SLC5A5: variants seen among roughly 807,000 people sequenced by gnomAD.
SLC5A5 encodes solute carrier family 5 member 5, also known as sodium/iodide cotransporter.
A neutral mutation model predicts 68.6 loss-of-function variants in SLC5A5; 56 were observed. The observed-to-expected ratio is 0.82, with a 90% confidence interval of 0.66 to 1.02. SLC5A5 has a LOEUF of 1.02. Ranked by LOEUF, SLC5A5 falls within the 50% of genes least tolerant of loss-of-function variation. The probability of loss-of-function intolerance (pLI) is 0.00; values close to 1 mark genes in which losing one functional copy is unlikely to be tolerated. For synonymous variants in SLC5A5, 398 were observed against 373.0 expected (o/e 1.07, Z -0.77); for missense variants, 807 against 859.8 (o/e 0.94, Z 0.77).
intron 7 of SLC5A5, among the ~76,000 whole-genome samples, chr19:17,879,247 G>A (rs906840100): frequency 6.6e-6 from 1 of 150,644 alleles, no homozygotes; most frequent in Non-Finnish European, 1.5e-5. Context: ...GAGCTGAGAT[G>A]GCGCCATTGC....
chr19:17,872,142 T>C lies in SLC5A5; in HGVS notation c.-178T>C, dbSNP rs1360782125. On this transcript the variant is annotated 5_prime_UTR_variant, in exon 1 of 15. Transcript: ENST00000222248. ...GACACGGACATCGACAGCCCATAGATTCCTAACCCAGGGAGCCCCGGCCCC... is the reference window on the plus strand; with the variant it reads ...GACACGGACATCGACAGCCCATAGACTCCTAACCCAGGGAGCCCCGGCCCC... 3.3e-6 allele frequency: 2 copies of C among 597,380 alleles called. No individual in the cohort carries two copies. The highest frequency in any genetic ancestry group is 5.9e-6 in the Non-Finnish European group (2 of 336,926). The allele number at this position is 597,380 out of a possible 1,614,324, so 37.0% of individuals were successfully genotyped here. A position where few individuals can be genotyped will look rare whatever the true frequency, so the allele number is the denominator to read the frequency against.
chr19:17,881,821 G>A (rs2094321222), intron 8 of SLC5A5, 139 bp from the exon 9 acceptor site: 1 of 713,956 alleles, frequency 1.4e-6, no homozygotes, highest in Non-Finnish European at 2.5e-6. Context: ...GGGGAGGGGA[G>A]GGGCAAATAT....
intron 10 of SLC5A5, 115 bp downstream of exon 10, chr19:17,882,334 C>A: frequency 2.0e-5 from 16 of 789,268 alleles, no homozygotes; most frequent in Non-Finnish European, 3.3e-5. Flanking sequence ...GAACTCACTT[C>A]TATGTTTTTT....
At chr19:17,876,575 A>G (rs1184171803) in intron 5 of SLC5A5, among the ~76,000 whole-genome samples, 1 of 151,042 alleles carries the variant, frequency 6.6e-6, no homozygotes, top group Admixed American at 6.6e-5. Context: ...TAAAAAATAC[A>G]AAATTAGGCT....
chr19:17,883,604 C>T (rs2094326013), intron 10 of SLC5A5, 77 bp from the exon 11 acceptor site: 1 of 1,233,514 alleles, frequency 8.1e-7, no homozygotes, highest in Non-Finnish European at 1.2e-6. Context: ...TGAGGTCTCG[C>T]TTTCCCAGCG....
At chr19:17,892,683 A>AGAGAGAGAGAGAGAGAGAGG (rs2030226075) in intron 14 of SLC5A5, among the ~76,000 whole-genome samples, 1 of 151,262 alleles carries the variant, frequency 6.6e-6, no homozygotes, top group Admixed American at 6.6e-5. Context: ...AGAGAGAGAG[A>AGAGAGAGAGAGAGAGAGAGG]GAGAGAGAGA....
At position 17,872,373 on chromosome 19, in the gene SLC5A5, G is replaced by A; in HGVS notation, c.54G>A (p.Gly18=). 1 of 1,597,464 alleles carries A rather than the reference G, an allele frequency of 6.3e-7. No homozygotes were observed. Among genetic ancestry groups the A allele is most frequent in the South Asian group, 1.1e-5 (1 of 89,116 alleles). The change falls in exon 1 of 15, where the codon GGG becomes GGA. Residue 18 remains glycine (G), a synonymous_variant. Coordinates refer to ENST00000222248, the MANE Select transcript of SLC5A5 (RefSeq NM_000453.3). ...ERPTFGAWDY[G]VFALMLLVST... ...CCACCTTCGGAGCCTGGGACTACGG[G>A]GTCTTTGCCCTCATGCTCCTGGTGT... is the stretch of plus-strand genomic sequence containing the variant.
At chr19:17,889,954 A>G (rs1439228999) in intron 13 of SLC5A5, among the ~76,000 whole-genome samples, 1 of 152,214 alleles carries the variant, frequency 6.6e-6, no homozygotes, top group South Asian at 2.1e-4. Flanking sequence ...CTTCACAGTC[A>G]TCAGGCCTTT....
chr19:17,877,632 C>G (rs2094310460), intron 5 of SLC5A5, 91 bp from the exon 6 acceptor site: 1 of 1,519,900 alleles, frequency 6.6e-7, no homozygotes, highest in Non-Finnish European at 9.0e-7. Flanking sequence ...CAAATGTCCC[C>G]TATAAGGTCC....
chr19:17,888,829 G>A (rs180951102), intron 13 of SLC5A5, among the ~76,000 whole-genome samples: 4 of 151,142 alleles, frequency 2.6e-5, no homozygotes, highest in Middle Eastern at 3.4e-3. Context: ...ACGGAGTTTC[G>A]CCATGTGTCT....
intron 12 of SLC5A5, 67 bp from the exon 13 acceptor site, chr19:17,888,264 G>A: frequency 6.3e-7 from 1 of 1,598,658 alleles, no homozygotes; most frequent in Non-Finnish European, 8.5e-7. Context: ...GGGTGAGGTT[G>A]GAACAGCTTT....
In SLC5A5 at chr19:17,877,742, A is replaced by T; in HGVS notation, c.718A>T (p.Ser240Cys). Residue 240 changes from serine to cysteine, a missense_variant, in exon 6 of 15, where the codon AGC (serine) becomes TGC (cysteine). Coordinates refer to ENST00000222248, the MANE Select transcript of SLC5A5 (RefSeq NM_000453.3). Reference protein sequence around the residue: ...NLMDFNPDPRSRYTFWTFVVG... With the variant: ...NLMDFNPDPRCRYTFWTFVVG... Reference sequence around the variant, plus strand: ...ACCCAGCTTTAACCCTGACCCGAGGAGCCGCTATACATTCTGGACTTTTGT... The same window carrying T: ...ACCCAGCTTTAACCCTGACCCGAGGTGCCGCTATACATTCTGGACTTTTGT... The T allele has an allele frequency of 6.2e-7, 1 of 1,614,146 alleles. No homozygotes were observed. Among genetic ancestry groups the T allele is most frequent in the Non-Finnish European group, 8.5e-7 (1 of 1,180,012 alleles).
chr19:17,890,914 G>A lies in SLC5A5; in HGVS notation c.1680G>A (p.Pro560=), dbSNP rs149937279. The change falls in exon 14 of 15, where the codon CCG becomes CCA. Residue 560 remains proline, a synonymous_variant. Transcript: ENST00000222248. The part of the protein sequence containing the change: ...TGPTKRSTLA[P]GLLWWDLARQ... ...CCACCAAGCGCAGCACCCTGGCCCC[G>A]GGATTGTTGTGGTGGGACCTCGCAC... The A allele has an allele frequency of 3.2e-5, 51 of 1,613,892 alleles. No individual in the cohort carries two copies. In the African/African-American group the frequency reaches 4.0e-4, roughly 13 times the overall value.
chr19:17,874,009 C>A (rs1031735976), intron 1 of SLC5A5, 129 bp from the exon 2 acceptor site: 111 of 721,450 alleles, frequency 1.5e-4, no homozygotes, highest in Non-Finnish European at 2.8e-4. Context: ...GGGGCCCCCA[C>A]GTGCAAGAAT....
Position 17,874,697 on chromosome 19 carries a change from C to G in SLC5A5, c.509C>G (p.Ser170Cys). The G allele has an allele frequency of 3.1e-6, 5 of 1,614,134 alleles. No individual in the cohort carries two copies. The highest frequency in any genetic ancestry group is 3.4e-6 in the Non-Finnish European group (4 of 1,180,034). Reference sequence around the variant, plus strand: ...CTGGACATCTGGGCGTCGCTCCTGTCCACCGGAATTATCTGCACCTTCTAC... The same window carrying G: ...CTGGACATCTGGGCGTCGCTCCTGTGCACCGGAATTATCTGCACCTTCTAC... Reference protein sequence around the residue: ...TGLDIWASLLSTGIICTFYTA... With the variant: ...TGLDIWASLLCTGIICTFYTA... Residue 170 changes from serine to cysteine, a missense_variant, in exon 4 of 15, where the codon TCC (serine) becomes TGC (cysteine). Ser to Cys is a moderately radical substitution (Grantham distance 112). Transcript: ENST00000222248.
chr19:17,878,430 G>A (rs942567786), intron 7 of SLC5A5, among the ~76,000 whole-genome samples: 2 of 151,978 alleles, frequency 1.3e-5, no homozygotes, highest in Admixed American at 1.3e-4. Flanking sequence ...TCTTGAACCC[G>A]GGAGGCGGAG....
chr19:17,872,401 A>T lies in SLC5A5; in HGVS notation c.82A>T (p.Thr28Ser). 1 of 1,606,030 alleles carries T rather than the reference A, an allele frequency of 6.2e-7. No individual in the cohort carries two copies. The change falls in exon 1 of 15, where the codon ACT (threonine) becomes TCT (serine). Residue 28 changes from threonine to serine, a missense_variant. Physicochemically the swap from Thr to Ser is moderately conservative, Grantham distance 58. Transcript: ENST00000222248. ...CTTTGCCCTCATGCTCCTGGTGTCC[A>T]CTGGCATCGGGCTGTGGGTCGGGCT... is the stretch of plus-strand genomic sequence containing the variant. ...GVFALMLLVS[T>S]GIGLWVGLAR...
chr19:17,874,098 G>C, intron 1 of SLC5A5, 40 bp from the exon 2 acceptor site: 1 of 1,496,638 alleles, frequency 6.7e-7, no homozygotes, highest in Non-Finnish European at 9.3e-7. Context: ...TCGGCTCCTG[G>C]GTAAGGACTG....
Position 17,872,444 on chromosome 19 carries a change from G to A in SLC5A5, c.125G>A (p.Arg42His). 2 of 1,609,658 alleles carry A rather than the reference G, an allele frequency of 1.2e-6. No homozygotes were observed. Among genetic ancestry groups the A allele is most frequent in the Non-Finnish European group, 1.7e-6 (2 of 1,178,466 alleles). The change falls in exon 1 of 15, where the codon CGC (arginine) becomes CAC (histidine). Residue 42 changes from arginine to histidine, a missense_variant. By Grantham distance (29) the Arg-to-His change is conservative. Coordinates refer to ENST00000222248, the MANE Select transcript of SLC5A5 (RefSeq NM_000453.3). ...GTCGGGCTGGCTCGGGGCGGGCAGC[G>A]CAGCGCTGAGGACTTCTTCACCGGG... ...LWVGLARGGQ[R>H]SAEDFFTGGR... is the part of the protein sequence containing the mutation.
Sources: allele counts gnomAD v4.1 joint callset (sites outside exome capture counted in the v4.1 genomes callset), GRCh38; gene constraint gnomAD v4.1.1; transcripts MANE v1.5; gene names NCBI Gene and HGNC (gene_info 2026-07-23, HGNC 2026-07-21).